The following CRPPA variants were observed in gnomAD, a reference collection of about 807,000 sequenced individuals.
CRPPA encodes the protein D-ribitol-5-phosphate cytidylyltransferase.
In CRPPA, 43 loss-of-function variants were observed where a neutral mutation model predicts 52.0. That is an observed-to-expected ratio of 0.83 (90% CI 0.65 to 1.07). The LOEUF is 1.07. Ranked by LOEUF, CRPPA falls within the 50% of genes least tolerant of loss-of-function variation. The probability of loss-of-function intolerance (pLI) is 0.00; values close to 1 mark genes in which losing one functional copy is unlikely to be tolerated. For synonymous variants in CRPPA, 250 were observed against 203.5 expected, an observed-to-expected ratio of 1.23 and a Z score of -1.94; for missense variants, 629 against 551.7, an observed-to-expected ratio of 1.14 and a Z score of -1.40.
chr7:16,289,010 C>G (rs1469277718), intron 5 of CRPPA, among the ~76,000 whole-genome samples: 2 of 150,782 alleles, frequency 1.3e-5, no homozygotes, highest in African/African-American at 4.9e-5. Context: ...AAGTGAGAAA[C>G]AAACAAGGAG....
At chr7:16,392,473 A>G (rs903878639) in intron 2 of CRPPA, among the ~76,000 whole-genome samples, 1 of 152,168 alleles carries the variant, frequency 6.6e-6, no homozygotes, top group Non-Finnish European at 1.5e-5. Flanking sequence ...AGACCTAGAC[A>G]ACCATATTCC....
At chr7:16,106,909 G>C in intron 9 of CRPPA, among the ~76,000 whole-genome samples, 1 of 151,804 alleles carries the variant, frequency 6.6e-6, no homozygotes, top group East Asian at 1.9e-4. Context: ...GGAAAACAAA[G>C]ACTTGACAAA....
intron 3 of CRPPA, among the ~76,000 whole-genome samples, chr7:16,348,985 C>A (rs777516073): frequency 6.6e-6 from 1 of 152,176 alleles, no homozygotes; most frequent in African/African-American, 2.4e-5. Flanking sequence ...ATAACAGGAC[C>A]CCTTCCAGCA....
At chr7:16,292,028 T>C (rs1216331752) in intron 5 of CRPPA, among the ~76,000 whole-genome samples, 1 of 151,950 alleles carries the variant, frequency 6.6e-6, no homozygotes, top group Non-Finnish European at 1.5e-5. Flanking sequence ...GTTACATGCC[T>C]CCCTAATCAC....
intron 8 of CRPPA, among the ~76,000 whole-genome samples, chr7:16,227,778 G>A (rs911688435): frequency 2.0e-5 from 3 of 151,650 alleles, no homozygotes; most frequent in African/African-American, 4.8e-5. Context: ...TTTTGCTTTC[G>A]TAGCCATTAC....
intron 8 of CRPPA, among the ~76,000 whole-genome samples, chr7:16,251,711 G>C (rs182453187): frequency 8.9e-4 from 136 of 152,216 alleles, no homozygotes; most frequent in African/African-American, 3.1e-3. Context: ...CAGAATCTCT[G>C]GGACATATTT....
intron 2 of CRPPA, among the ~76,000 whole-genome samples, chr7:16,383,482 A>G (rs1272898383): frequency 1.3e-5 from 2 of 152,138 alleles, no homozygotes; most frequent in African/African-American, 2.4e-5. Context: ...CCCATTCTCA[A>G]TACTCCAGCT....
intron 2 of CRPPA, among the ~76,000 whole-genome samples, chr7:16,405,467 C>T (rs569609300): frequency 6.6e-6 from 1 of 152,072 alleles, no homozygotes; most frequent in East Asian, 1.9e-4. Context: ...CACTAAGTCT[C>T]CAATTTAGAC....
Position 16,091,765 on chromosome 7 carries a change from C to A in CRPPA, c.1286G>T (p.Gly429Val). ...GATTAATGAAGCAATAATGATAGCA[C>A]CTTGCCTTAAACTCTCCTGTAGCTT... ...DQKLQESLRQ[G>V]AIIIASLIKE... is the part of the protein sequence containing the mutation. Residue 429 changes from glycine to valine, a missense_variant, in exon 10 of 10, where the codon GGT becomes GTT. Coordinates refer to ENST00000407010, the MANE Select transcript of CRPPA (RefSeq NM_001101426.4). 1 of 1,557,914 alleles carries A rather than the reference C, an allele frequency of 6.4e-7. No homozygotes were observed. Among genetic ancestry groups the A allele is most frequent in the East Asian group, 2.3e-5 (1 of 42,666 alleles).
intron 3 of CRPPA, among the ~76,000 whole-genome samples, chr7:16,335,868 G>A (rs1403019229): frequency 6.6e-6 from 1 of 152,124 alleles, no homozygotes; most frequent in African/African-American, 2.4e-5. Context: ...CAAAGCAGTG[G>A]GCGGGTAAGA....
intron 8 of CRPPA, among the ~76,000 whole-genome samples, chr7:16,253,427 CT>C (rs1469761831): frequency 2.2e-4 from 33 of 152,180 alleles, no homozygotes; most frequent in African/African-American, 7.7e-4. Context: ...GAATGGGTTT[CT>C]TAATCCTGAG....
chr7:16,252,238 C>T (rs563196465), intron 8 of CRPPA, among the ~76,000 whole-genome samples: 2 of 152,298 alleles, frequency 1.3e-5, no homozygotes, highest in African/African-American at 4.8e-5. Context: ...GGATGCAAGG[C>T]TGGGTCAACA....
At chr7:16,145,997 G>C (rs1189869216) in intron 9 of CRPPA, among the ~76,000 whole-genome samples, 2 of 152,026 alleles carry the variant, frequency 1.3e-5, no homozygotes, top group African/African-American at 4.8e-5. Context: ...GTGGAATTAA[G>C]AGGTCTTCAC....
At chr7:16,397,997 A>G (rs7807975) in intron 2 of CRPPA, among the ~76,000 whole-genome samples, 3,052 of 152,302 alleles carry the variant, frequency 0.02, 94 homozygotes, top group African/African-American at 0.07. Flanking sequence ...CCTAACCAAC[A>G]TGTGACTGAT....
chr7:16,294,158 A>C lies in CRPPA; in HGVS notation c.835+7263T>G, dbSNP rs73298620. Reference sequence around the variant, plus strand: ...AAGTTAGAAGGAAAAGCAAAGTTCCAAGGTTGGTGACTCATGAGGATATTT... The same window carrying C: ...AAGTTAGAAGGAAAAGCAAAGTTCCCAGGTTGGTGACTCATGAGGATATTT... On this transcript the variant is annotated intron_variant, in intron 5 of 9. Transcript: ENST00000407010. Among the ~76,000 whole-genome samples, 451 of 152,046 alleles carry C rather than the reference A, an allele frequency of 3.0e-3. 2 individuals carry two copies. The highest frequency in any genetic ancestry group is 0.01 in the African/African-American group (427 of 41,520).
chr7:16,365,976 T>C (rs563815626), intron 3 of CRPPA, among the ~76,000 whole-genome samples: 2 of 152,316 alleles, frequency 1.3e-5, no homozygotes, highest in African/African-American at 4.8e-5. Context: ...TTACTCCACT[T>C]AGACTGCTAA....
At chr7:16,368,619 T>C (rs925608364) in intron 3 of CRPPA, among the ~76,000 whole-genome samples, 4 of 152,234 alleles carry the variant, frequency 2.6e-5, no homozygotes, top group Admixed American at 2.0e-4. Flanking sequence ...ATAGTTGTTA[T>C]TACAACTTTA....
chr7:16,287,589 T>C (rs1000495853), intron 5 of CRPPA, among the ~76,000 whole-genome samples: 2 of 152,096 alleles, frequency 1.3e-5, no homozygotes, highest in African/African-American at 2.4e-5. Context: ...TAAACTAAGA[T>C]GAGGTCATTA....
At chr7:16,328,048 T>C (rs1386323512) in intron 3 of CRPPA, among the ~76,000 whole-genome samples, 2 of 152,226 alleles carry the variant, frequency 1.3e-5, no homozygotes, top group Non-Finnish European at 2.9e-5. Flanking sequence ...CCTTTCATCA[T>C]ATCTAATGCT....
Sources: gnomAD v4.1 joint callset for allele counts (sites outside exome capture counted in the v4.1 genomes callset) on GRCh38, gnomAD v4.1.1 for gene constraint, MANE v1.5 for transcripts, NCBI Gene and HGNC (gene_info 2026-07-23, HGNC 2026-07-21) for gene names.